Variants in PHF8 observed in about 807,000 individuals in gnomAD.
The protein encoded by PHF8 is PHD finger protein 8.
A neutral mutation model predicts 74.4 loss-of-function variants in PHF8; 9 were observed. The ratio of observed to expected loss-of-function variants is 0.12; its 90% confidence interval spans 0.07 to 0.21. PHF8 has a LOEUF of 0.21. PHF8 is among the 10% of genes least tolerant of loss of function. The probability of loss-of-function intolerance (pLI) is 1.00; values close to 1 mark genes in which losing one functional copy is unlikely to be tolerated. For synonymous variants in PHF8, 311 were observed against 316.6 expected, an observed-to-expected ratio of 0.98 and a Z score of 0.19; for missense variants, 478 against 816.6, an observed-to-expected ratio of 0.59 and a Z score of 5.05.
intron 19 of PHF8, among the ~76,000 whole-genome samples, chrX:53,961,622 A>AT (rs1255524321): frequency 9.1e-6 from 1 of 110,322 alleles, no homozygotes; most frequent in African/African-American, 3.3e-5. Context: ...CCCGGCCCCA[A>AT]TTTTTTTTTA....
chrX:53,939,506 C>A (rs1343303277), intron 21 of PHF8, among the ~76,000 whole-genome samples: 1 of 110,378 alleles, frequency 9.1e-6, no homozygotes, highest in East Asian at 2.8e-4. Flanking sequence ...ACTGATTACT[C>A]TGGTCCCAAT....
intron 21 of PHF8, among the ~76,000 whole-genome samples, chrX:53,939,555 T>C (rs782108531): frequency 7.8e-4 from 87 of 111,515 alleles, no homozygotes; most frequent in South Asian, 1.5e-3. Context: ...GTAAATGTAC[T>C]TCCATACCCT....
At chrX:53,957,089 G>A (rs1197841396) in intron 19 of PHF8, among the ~76,000 whole-genome samples, 8 of 108,837 alleles carry the variant, frequency 7.4e-5, no homozygotes, top group African/African-American at 2.7e-4. Flanking sequence ...GCTCATGCCT[G>A]TAATCCCAGC....
chrX:53,999,834 A>G, intron 11 of PHF8, 36 bp downstream of exon 11: 1 of 940,295 alleles, frequency 1.1e-6, no homozygotes, highest in South Asian at 2.0e-5. Flanking sequence ...ACAAAGGGCA[A>G]AACTCCAGAG....
chrX:53,938,875 C>T lies in PHF8; in HGVS notation c.*283G>A, dbSNP rs1280374163. 1.4e-5 allele frequency: 13 copies of T among 900,861 alleles called. No individual in the cohort carries two copies. The highest frequency in any genetic ancestry group is 4.9e-4 in the Middle Eastern group (1 of 2,043). 74.2% of individuals were successfully genotyped at this position (900,861 alleles called of 1,213,427 possible). On this transcript the variant is annotated 3_prime_UTR_variant, in exon 22 of 22. Coordinates refer to ENST00000338154, the MANE Select transcript of PHF8 (RefSeq NM_015107.3). ...AATAAAGAACAGACAAGGCAGGTGA[C>T]GGGAGTGGTTTGGACGAGTAGAAAA...
chrX:53,993,028 G>C (rs1417934585), intron 13 of PHF8, 189 bp from the exon 14 acceptor site: 23 of 442,612 alleles, frequency 5.2e-5, no homozygotes, highest in Non-Finnish European at 8.4e-5. Flanking sequence ...GGTTGGTTCA[G>C]GGGACACCTG....
intron 2 of PHF8, among the ~76,000 whole-genome samples, chrX:54,029,121 T>C (rs1364039655): frequency 8.9e-6 from 1 of 111,924 alleles, no homozygotes; most frequent in Non-Finnish European, 1.9e-5. Flanking sequence ...TTATTAGCTA[T>C]CAATTGTGTT....
Position 53,937,197 on chromosome X carries a change from C to T in PHF8, c.*1961G>A, listed in dbSNP as rs1308160534. Reference sequence around the variant, plus strand: ...AACAACAAACAGGGGGCTCTAAGAACCCAACTAAGCTAAATGAAACCCAGT... The same window carrying T: ...AACAACAAACAGGGGGCTCTAAGAATCCAACTAAGCTAAATGAAACCCAGT... On this transcript the variant is annotated 3_prime_UTR_variant, in exon 22 of 22. Transcript: ENST00000338154. 3.6e-5 allele frequency: 4 copies of T among 111,570 alleles called. No homozygotes were observed. Among genetic ancestry groups the T allele is most frequent in the African/African-American group, 9.8e-5 (3 of 30,519 alleles). The allele number at this position is 111,570 out of a possible 1,213,427, so 9.2% of individuals were successfully genotyped here.
intron 11 of PHF8, among the ~76,000 whole-genome samples, chrX:53,997,516 G>T (rs1360982608): frequency 2.7e-5 from 3 of 111,503 alleles, no homozygotes; most frequent in Non-Finnish European, 3.8e-5. Flanking sequence ...TAATCTTATG[G>T]CTTCCTCCTT....
intron 4 of PHF8, among the ~76,000 whole-genome samples, chrX:54,021,632 C>A (rs1472773144): frequency 9.3e-6 from 1 of 107,479 alleles, no homozygotes; most frequent in African/African-American, 3.4e-5. Flanking sequence ...CTACGCCCGG[C>A]CAATTTTTTG....
At chrX:53,942,921 G>C in intron 20 of PHF8, 1 of 753,279 alleles carries the variant, frequency 1.3e-6, no homozygotes, top group South Asian at 6.7e-5. Flanking sequence ...GAGATGACTA[G>C]AGACCAAATC....
chrX:54,031,700 C>G (rs1447740766), intron 2 of PHF8, among the ~76,000 whole-genome samples: 3 of 110,766 alleles, frequency 2.7e-5, no homozygotes, highest in African/African-American at 9.8e-5. Flanking sequence ...TGAGTTCCTT[C>G]TTCCACAACC....
intron 18 of PHF8, among the ~76,000 whole-genome samples, chrX:53,977,924 G>A (rs1557096683): frequency 9.5e-6 from 1 of 105,622 alleles, no homozygotes; most frequent in African/African-American, 3.5e-5. Context: ...GGGATTACAG[G>A]CGTCAGCCAC....
At chrX:53,962,524 A>G (rs782063159) in intron 19 of PHF8, among the ~76,000 whole-genome samples, 46 of 111,502 alleles carry the variant, frequency 4.1e-4, no homozygotes, top group Non-Finnish European at 5.8e-4. Context: ...TGATGGTATC[A>G]GAACGTTCTC....
chrX:53,942,932 AAGAGG>A, intron 20 of PHF8: 1 of 753,373 alleles, frequency 1.3e-6, no homozygotes, highest in Non-Finnish European at 1.6e-6. Context: ...AGACCAAATC[AAGAGG>A]ACTTTAAGAG....
chrX:53,998,032 TTTC>T (rs1557103367), intron 11 of PHF8, among the ~76,000 whole-genome samples: 2 of 112,482 alleles, frequency 1.8e-5, no homozygotes, highest in Admixed American at 9.4e-5. Context: ...CATGTTGACA[TTTC>T]TTCTTCTCTT....
At chrX:53,974,031 G>A (rs1569525801) in intron 18 of PHF8, among the ~76,000 whole-genome samples, 2 of 111,111 alleles carry the variant, frequency 1.8e-5, no homozygotes, top group African/African-American at 6.5e-5. Flanking sequence ...GGGCTGAGGC[G>A]GGCGGATCAC....
chrX:53,979,046 G>C (rs1323640418), intron 18 of PHF8, among the ~76,000 whole-genome samples: 1 of 110,821 alleles, frequency 9.0e-6, no homozygotes, highest in African/African-American at 3.3e-5. Context: ...ATAAACATGT[G>C]TATACCAAGA....
rs782503247 is a variant in PHF8, at chrX:54,022,854, G to C, written c.99-11C>G. ...TCAACACCAACACAACTGAAAAAGA[G>C]AAAAACAGCCAAGGTTTATGGAAAT... On this transcript the variant is annotated splice_polypyrimidine_tract_variant and intron_variant, in intron 2 of 21. Coordinates refer to ENST00000338154, the MANE Select transcript of PHF8 (RefSeq NM_015107.3). 2 of 1,130,329 alleles carry C rather than the reference G, an allele frequency of 1.8e-6. No homozygotes were observed. Among genetic ancestry groups the C allele is most frequent in the Non-Finnish European group, 1.2e-6 (1 of 823,637 alleles). The allele number at this position is 1,130,329 out of a possible 1,213,427, so 93.2% of individuals were successfully genotyped here.
Sources: gnomAD v4.1 joint callset for allele counts (sites outside exome capture counted in the v4.1 genomes callset) on GRCh38, gnomAD v4.1.1 for gene constraint, MANE v1.5 for transcripts, NCBI Gene and HGNC (gene_info 2026-07-23, HGNC 2026-07-21) for gene names.